The following TEX11 variants were observed in gnomAD, a reference collection of about 807,000 sequenced individuals.
TEX11 encodes testis expressed 11, also known as testis-expressed protein 11.
Under a neutral mutation model 84.4 loss-of-function variants are expected in TEX11, and 7 were observed. That is an observed-to-expected ratio of 0.08 (90% CI 0.05 to 0.16). The LOEUF is 0.16. Ranked by LOEUF, TEX11 falls within the 10% of genes least tolerant of loss-of-function variation. The pLI is 1.00. For missense variants in TEX11, 551 were observed against 660.5 expected (o/e 0.83, Z 1.82); for synonymous variants, 264 against 222.8 (o/e 1.18, Z -1.64).
intron 9 of TEX11, among the ~76,000 whole-genome samples, chrX:70,780,267 C>T (rs1377348428): frequency 7.1e-5 from 8 of 112,123 alleles, no homozygotes; most frequent in African/African-American, 2.6e-4. Context: ...GAGCAAGACT[C>T]CATCACGCAC....
chrX:70,777,933 C>A (rs1185850070), intron 9 of TEX11, among the ~76,000 whole-genome samples: 1 of 111,924 alleles, frequency 8.9e-6, no homozygotes, highest in Non-Finnish European at 1.9e-5. Flanking sequence ...GGATTAATTT[C>A]TCCAACCAAA....
chrX:70,584,759 A>G (rs975351839), intron 25 of TEX11, among the ~76,000 whole-genome samples: 7 of 112,451 alleles, frequency 6.2e-5, no homozygotes, highest in Non-Finnish European at 1.3e-4. Flanking sequence ...AATTAATGTA[A>G]TATACCACAT....
intron 8 of TEX11, among the ~76,000 whole-genome samples, chrX:70,815,699 T>C (rs1219512642): frequency 9.0e-6 from 1 of 111,387 alleles, no homozygotes; most frequent in Non-Finnish European, 1.9e-5. Flanking sequence ...TCTTGGAACA[T>C]GTCCCCCACG....
chrX:70,807,797 A>G (rs2091227651), intron 8 of TEX11, among the ~76,000 whole-genome samples: 1 of 111,074 alleles, frequency 9.0e-6, no homozygotes, highest in Non-Finnish European at 1.9e-5. Context: ...GACCTACTAT[A>G]TATTTGAATC....
chrX:70,847,821 G>A (rs2091487495), intron 7 of TEX11, among the ~76,000 whole-genome samples: 1 of 111,851 alleles, frequency 8.9e-6, no homozygotes, highest in African/African-American at 3.2e-5. Context: ...TGGGATTACA[G>A]GTGTGAGCCA....
chrX:70,671,258 G>C (rs1024274881), intron 15 of TEX11, among the ~76,000 whole-genome samples: 2 of 111,317 alleles, frequency 1.8e-5, no homozygotes, highest in African/African-American at 6.5e-5. Flanking sequence ...AGAAAACTGA[G>C]ACTGCTTATA....
Position 70,616,882 on chromosome X carries a change from G to C in TEX11, c.1752-6339C>G, listed in dbSNP as rs183848364. Among the ~76,000 whole-genome samples, 12 of 111,410 alleles carry C rather than the reference G, an allele frequency of 1.1e-4. No individual in the cohort carries two copies. The East Asian group carries it at 3.4e-3, about 31-fold the overall frequency. On this transcript the variant is annotated intron_variant, in intron 20 of 29. Transcript: ENST00000374333. ...ACGATGGTTACCAGAGGCTGGGAAG[G>C]GTTGCGGGGGGTAGAAGGAAGTGAG...
intron 9 of TEX11, among the ~76,000 whole-genome samples, chrX:70,774,323 C>T (rs1602115869): frequency 9.9e-6 from 1 of 101,471 alleles, no homozygotes; most frequent in Non-Finnish European, 2.0e-5. Flanking sequence ...TGGAACAAAA[C>T]AAGAACGTCC....
At chrX:70,570,212 G>C (rs182779543) in intron 25 of TEX11, among the ~76,000 whole-genome samples, 2 of 112,224 alleles carry the variant, frequency 1.8e-5, no homozygotes, top group Admixed American at 9.4e-5. Flanking sequence ...CTACGAGCCA[G>C]GTGCGGGATA....
intron 13 of TEX11, among the ~76,000 whole-genome samples, chrX:70,688,501 A>T (rs953339349): frequency 9.0e-6 from 1 of 110,884 alleles, no homozygotes; most frequent in East Asian, 2.8e-4. Flanking sequence ...AAAAGACTAC[A>T]TACTGAATGA....
chrX:70,525,492 T>C (rs1329231805), downstream of TEX11, among the ~76,000 whole-genome samples: 1 of 108,444 alleles, frequency 9.2e-6, no homozygotes. Context: ...AAGACTGAGA[T>C]GGGAGGATCA....
intron 16 of TEX11, among the ~76,000 whole-genome samples, chrX:70,657,455 TAA>T (rs56221505): frequency 2.1e-5 from 2 of 96,107 alleles, no homozygotes; most frequent in African/African-American, 3.8e-5. Flanking sequence ...TGTAAAAAAT[TAA>T]AAAAAAAAAA....
At chrX:70,602,131 C>T (rs1040125753) in intron 24 of TEX11, among the ~76,000 whole-genome samples, 14 of 112,074 alleles carry the variant, frequency 1.2e-4, no homozygotes, top group Admixed American at 2.8e-4. Flanking sequence ...AAGCGCCCCT[C>T]ACCTCCTGGA....
At chrX:70,748,049 G>GA (rs377653265) in intron 9 of TEX11, among the ~76,000 whole-genome samples, 10 of 105,847 alleles carry the variant, frequency 9.4e-5, no homozygotes, top group Admixed American at 3.1e-4. Flanking sequence ...GGAACAAACA[G>GA]AAAAAAAAAT....
chrX:70,731,448 G>A (rs141332301), intron 11 of TEX11, among the ~76,000 whole-genome samples: 42,614 of 108,657 alleles, frequency 0.39, 7,142 homozygotes, highest in East Asian at 0.58. Flanking sequence ...TCAAATAGAC[G>A]CAATAAAAAA....
chrX:70,559,219 G>A (rs942667), intron 25 of TEX11, among the ~76,000 whole-genome samples: 47,297 of 111,230 alleles, frequency 0.43, 8,332 homozygotes, highest in East Asian at 0.61. Flanking sequence ...CCCAGGCAAT[G>A]GAATATTATT....
intron 9 of TEX11, among the ~76,000 whole-genome samples, chrX:70,778,432 A>G (rs888266091): frequency 9.0e-6 from 1 of 111,211 alleles, no homozygotes; most frequent in Non-Finnish European, 1.9e-5. Context: ...AGTATTAGAA[A>G]GTGGGGCTTT....
At chrX:70,804,122 T>C (rs1296911686) in intron 9 of TEX11, among the ~76,000 whole-genome samples, 2 of 112,358 alleles carry the variant, frequency 1.8e-5, no homozygotes, top group Admixed American at 1.9e-4. Context: ...ACTAGTGGAA[T>C]GGCCACAAGA....
In TEX11 at chrX:70,890,527, A is replaced by G. The variant is rs1194421414; in HGVS notation, c.38-10418T>C. ...ACTACTCTGCTTTTCCAACGGTCTT[A>G]GCAAACAGCACACCAGGAGATTGTG... On this transcript the variant is annotated intron_variant, in intron 2 of 29. Coordinates refer to ENST00000374333, the MANE Select transcript of TEX11 (RefSeq NM_031276.3). 2.7e-5 allele frequency among the ~76,000 whole-genome samples: 3 copies of G among 112,791 alleles called. No homozygotes were observed. The East Asian group carries it at 8.4e-4, about 31-fold the overall frequency.
Sources: allele counts gnomAD v4.1 joint callset (sites outside exome capture counted in the v4.1 genomes callset), GRCh38; gene constraint gnomAD v4.1.1; transcripts MANE v1.5; gene names NCBI Gene and HGNC (gene_info 2026-07-23, HGNC 2026-07-21).